The following ASAP1 variants were observed in gnomAD, a reference collection of about 807,000 sequenced individuals.
The protein encoded by ASAP1 is ArfGAP with SH3 domain, ankyrin repeat and PH domain 1.
Under a neutral mutation model 145.2 loss-of-function variants are expected in ASAP1, and 43 were observed. The observed-to-expected ratio is 0.30, with a 90% CI of 0.23 to 0.38. ASAP1 has a LOEUF of 0.38. ASAP1 is among the 10% of genes least tolerant of loss of function. The pLI is 1.00. For synonymous variants in ASAP1, 546 were observed against 515.5 expected (o/e 1.06, Z -0.80); for missense variants, 1,018 against 1,355.3 (o/e 0.75, Z 3.91).
At chr8:130,338,338 G>A (rs760159953) in intron 3 of ASAP1, among the ~76,000 whole-genome samples, 1 of 152,188 alleles carries the variant, frequency 6.6e-6, no homozygotes, top group Non-Finnish European at 1.5e-5. Context: ...ATCAGTGGAT[G>A]TAGTTAACTA....
intron 1 of ASAP1, among the ~76,000 whole-genome samples, chr8:130,428,631 CACT>C (rs1369110176): frequency 6.7e-6 from 1 of 150,098 alleles, no homozygotes; most frequent in East Asian, 2.0e-4. Flanking sequence ...CCACCACCAC[CACT>C]GTCATCATCA....
chr8:130,365,546 TTACAA>T (rs1323510479), intron 2 of ASAP1, among the ~76,000 whole-genome samples: 1 of 152,186 alleles, frequency 6.6e-6, no homozygotes, highest in Non-Finnish European at 1.5e-5. Context: ...TGAGAAAAAC[TTACAA>T]TACACCCAGG....
At chr8:130,334,962 C>T (rs1488629017) in intron 3 of ASAP1, among the ~76,000 whole-genome samples, 1 of 152,202 alleles carries the variant, frequency 6.6e-6, no homozygotes, top group Non-Finnish European at 1.5e-5. Context: ...TCAAGCATCC[C>T]TCCTTGTCTT....
At chr8:130,335,263 G>GCAA (rs1824958921) in intron 3 of ASAP1, among the ~76,000 whole-genome samples, 1 of 152,146 alleles carries the variant, frequency 6.6e-6, no homozygotes, top group African/African-American at 2.4e-5. Flanking sequence ...TGCCGATCAT[G>GCAA]CAACAGACCC....
intron 1 of ASAP1, among the ~76,000 whole-genome samples, chr8:130,405,226 T>C (rs1366353205): frequency 6.6e-6 from 1 of 152,160 alleles, no homozygotes; most frequent in Non-Finnish European, 1.5e-5. Flanking sequence ...TGGTGCCAGT[T>C]GGACTCACAC....
intron 2 of ASAP1, among the ~76,000 whole-genome samples, chr8:130,382,009 G>A (rs1270634659): frequency 3.3e-5 from 5 of 152,092 alleles, no homozygotes; most frequent in Non-Finnish European, 5.9e-5. Flanking sequence ...TGTTCAGGCC[G>A]AGCATGGTGG....
chr8:130,149,693 T>C (rs1301702268), intron 13 of ASAP1, among the ~76,000 whole-genome samples: 2 of 152,240 alleles, frequency 1.3e-5, no homozygotes, highest in Non-Finnish European at 2.9e-5. Context: ...CCCCACTTTT[T>C]CAAAGAAGCC....
intron 12 of ASAP1, among the ~76,000 whole-genome samples, chr8:130,157,874 C>T (rs1228857084): frequency 6.6e-6 from 1 of 152,092 alleles, no homozygotes; most frequent in Non-Finnish European, 1.5e-5. Flanking sequence ...GATCTTTCTC[C>T]GTAGCACTAA....
At chr8:130,239,841 A>G (rs919670227) in intron 3 of ASAP1, among the ~76,000 whole-genome samples, 6 of 152,144 alleles carry the variant, frequency 3.9e-5, no homozygotes, top group Non-Finnish European at 7.4e-5. Context: ...TAGCTTGCCA[A>G]GTGTCACATA....
chr8:130,185,719 A>G, intron 7 of ASAP1, among the ~76,000 whole-genome samples: 1 of 146,108 alleles, frequency 6.8e-6, no homozygotes. Context: ...ACAAGAGTGA[A>G]ACTCCGCCTC....
chr8:130,428,439 C>T (rs1159761336), intron 1 of ASAP1, among the ~76,000 whole-genome samples: 5 of 111,512 alleles, frequency 4.5e-5, no homozygotes, highest in Admixed American at 1.8e-4. Context: ...ATCATCACCA[C>T]CACCACCATC....
chr8:130,373,113 C>T (rs1389743189), intron 2 of ASAP1, among the ~76,000 whole-genome samples: 5 of 19,212 alleles, frequency 2.6e-4, no homozygotes, highest in Non-Finnish European at 3.9e-4. Flanking sequence ...AATACATATA[C>T]ACACACACAC....
At chr8:130,247,773 G>GAGC (rs1818939744) in intron 3 of ASAP1, among the ~76,000 whole-genome samples, 1 of 152,178 alleles carries the variant, frequency 6.6e-6, no homozygotes, top group Non-Finnish European at 1.5e-5. Flanking sequence ...CATAGTGAGT[G>GAGC]TCAGTTAAAA....
intron 2 of ASAP1, among the ~76,000 whole-genome samples, chr8:130,396,981 T>G (rs772386864): frequency 1.3e-5 from 2 of 152,168 alleles, no homozygotes; most frequent in Admixed American, 1.3e-4. Context: ...TCCACTTCCA[T>G]GTGCTGCGCT....
At chr8:130,390,267 G>T (rs904764881) in intron 2 of ASAP1, among the ~76,000 whole-genome samples, 5 of 152,190 alleles carry the variant, frequency 3.3e-5, no homozygotes, top group Non-Finnish European at 7.3e-5. Flanking sequence ...TTTCTCAGTT[G>T]TACGAAGCAC....
At chr8:130,378,656 T>C (rs1278589299) in intron 2 of ASAP1, among the ~76,000 whole-genome samples, 1 of 151,848 alleles carries the variant, frequency 6.6e-6, no homozygotes, top group Non-Finnish European at 1.5e-5. Context: ...TGAGGGAGAG[T>C]TTCTAAGACG....
chr8:130,066,372 G>T (rs2135129944), intron 27 of ASAP1, among the ~76,000 whole-genome samples: 1 of 152,208 alleles, frequency 6.6e-6, no homozygotes, highest in East Asian at 1.9e-4. Context: ...TACATGGGTG[G>T]TGTTAATTTT....
intron 1 of ASAP1, among the ~76,000 whole-genome samples, chr8:130,414,770 T>TC (rs1286318996): frequency 6.6e-6 from 1 of 152,062 alleles, no homozygotes; most frequent in Non-Finnish European, 1.5e-5. Context: ...TTTTTTTTTT[T>TC]TTTTTGAGAC....
chr8:130,259,875 A>G (rs1406237297), intron 3 of ASAP1, among the ~76,000 whole-genome samples: 1 of 152,208 alleles, frequency 6.6e-6, no homozygotes, highest in Non-Finnish European at 1.5e-5. Flanking sequence ...TCATGAGGAT[A>G]AATAAATACT....
Sources: gnomAD v4.1 joint callset for allele counts (sites outside exome capture counted in the v4.1 genomes callset) on GRCh38, gnomAD v4.1.1 for gene constraint, MANE v1.5 for transcripts, NCBI Gene and HGNC (gene_info 2026-07-23, HGNC 2026-07-21) for gene names.